PLD1: variants seen among roughly 807,000 people sequenced by gnomAD.
The protein encoded by PLD1 is choline phosphatase 1.
In PLD1, 112 loss-of-function variants were observed where a neutral mutation model predicts 137.1. That is an observed-to-expected ratio of 0.82 (90% CI 0.70 to 0.96). The LOEUF is 0.96. Ranked by LOEUF, PLD1 falls within the 40% of genes least tolerant of loss-of-function variation. The pLI is 0.00. For missense variants in PLD1, 1,321 were observed against 1,342.0 expected (o/e 0.98, Z 0.24); for synonymous variants, 431 against 454.7 (o/e 0.95, Z 0.66).
intron 1 of PLD1, among the ~76,000 whole-genome samples, chr3:171,748,932 G>A (rs1465138116): frequency 1.3e-5 from 2 of 151,008 alleles, no homozygotes; most frequent in African/African-American, 4.9e-5. Context: ...ATTCCTACCT[G>A]AATCATGTCC....
chr3:171,614,981 A>AT (rs1732982619), intron 24 of PLD1, among the ~76,000 whole-genome samples: 1 of 152,248 alleles, frequency 6.6e-6, no homozygotes, highest in African/African-American at 2.4e-5. Flanking sequence ...AATTACCCAG[A>AT]TAACTGACTC....
chr3:171,611,512 G>A (rs1732655998), intron 25 of PLD1: 2 of 494,692 alleles, frequency 4.0e-6, no homozygotes, highest in Admixed American at 2.1e-5. Flanking sequence ...ATTTAGGATC[G>A]CACAGCTGAA....
intron 21 of PLD1, among the ~76,000 whole-genome samples, chr3:171,654,761 G>A (rs993912774): frequency 6.6e-6 from 1 of 152,064 alleles, no homozygotes; most frequent in Admixed American, 6.5e-5. Flanking sequence ...CTTCAACTCT[G>A]AGACAGTTTT....
intron 8 of PLD1, among the ~76,000 whole-genome samples, chr3:171,720,293 C>CAAAAAA (rs752618596): frequency 7.4e-5 from 5 of 67,904 alleles, no homozygotes; most frequent in Middle Eastern, 9.1e-3. Context: ...GACCCTGTCT[C>CAAAAAA]AAAAAAAAAA....
chr3:171,683,925 A>G (rs547251911), intron 16 of PLD1, among the ~76,000 whole-genome samples: 12 of 152,330 alleles, frequency 7.9e-5, no homozygotes, highest in African/African-American at 2.6e-4. Flanking sequence ...CATAAAAGAG[A>G]TGAACCATTT....
rs935748100 is a variant in PLD1, at chr3:171,620,306, G to T, written c.2728+80C>A. On this transcript the variant is annotated intron_variant, in intron 24 of 26. Transcript: ENST00000351298. The stretch of plus-strand genomic sequence containing the variant: ...CTGTTTCAAATGCAAAGGATGCTTA[G>T]GAGGAATAGCAGCAAACATTTTTGC... 71 of 994,642 alleles carry T rather than the reference G, an allele frequency of 7.1e-5. No individual in the cohort carries two copies. In the Middle Eastern group the frequency reaches 3.4e-3, roughly 47 times the overall value. 61.6% of individuals were successfully genotyped at this position (994,642 alleles called of 1,614,324 possible).
chr3:171,674,595 G>T lies in PLD1; in HGVS notation c.2134C>A (p.Arg712=). 6.4e-7 allele frequency: 1 copy of T among 1,571,066 alleles called. No individual in the cohort carries two copies. The highest frequency in any genetic ancestry group is 8.7e-7 in the Non-Finnish European group (1 of 1,142,990). Residue 712 remains arginine (R), a synonymous_variant, in exon 19 of 27, where the codon CGG becomes AGG. Transcript: ENST00000351298. ...NFTKIMKSKY[R]SLSYPFLLPK... ...AGCAGAAAAGGATAAGAAAGGGACC[G>T]ATATTTTGATTTCATAATCTAAAAT...
At chr3:171,611,378 C>G (rs1732643900) in intron 25 of PLD1, 1 of 278,908 alleles carries the variant, frequency 3.6e-6, no homozygotes, top group African/African-American at 2.2e-5. Flanking sequence ...CAGTAGTGAG[C>G]AGAGAAGCAA....
chr3:171,659,168 A>C, intron 21 of PLD1, 45 bp downstream of exon 21: 1 of 1,245,840 alleles, frequency 8.0e-7, no homozygotes, highest in Non-Finnish European at 1.2e-6. Flanking sequence ...TTAGTAATAA[A>C]TACAAGAACA....
chr3:171,659,347 G>A, intron 20 of PLD1, 46 bp from the exon 21 acceptor site: 1 of 1,184,170 alleles, frequency 8.4e-7, no homozygotes, highest in South Asian at 1.2e-5. Flanking sequence ...TATTTTCTTA[G>A]CAATATACGT....
chr3:171,675,482 C>T (rs1289297952), intron 18 of PLD1, among the ~76,000 whole-genome samples: 2 of 152,156 alleles, frequency 1.3e-5, no homozygotes, highest in African/African-American at 2.4e-5. Flanking sequence ...AGATTGCATA[C>T]TTTAAAAAAG....
chr3:171,746,522 A>G (rs1193581477), intron 1 of PLD1, among the ~76,000 whole-genome samples: 6 of 152,214 alleles, frequency 3.9e-5, no homozygotes. Flanking sequence ...TACAACAATC[A>G]GCACTCTGTG....
At chr3:171,651,845 T>G (rs529724632) in intron 21 of PLD1, among the ~76,000 whole-genome samples, 1 of 152,308 alleles carries the variant, frequency 6.6e-6, no homozygotes, top group Non-Finnish European at 1.5e-5. Flanking sequence ...AGTCTCCTTC[T>G]TCCTTCCTCT....
chr3:171,787,673 A>T (rs1273347525), intron 1 of PLD1, among the ~76,000 whole-genome samples: 2 of 152,138 alleles, frequency 1.3e-5, no homozygotes, highest in African/African-American at 4.8e-5. Context: ...TGGTATGTGT[A>T]TGTGTGTTGG....
intron 11 of PLD1, among the ~76,000 whole-genome samples, chr3:171,703,063 A>G (rs1716379879): frequency 6.6e-6 from 1 of 152,178 alleles, no homozygotes; most frequent in South Asian, 2.1e-4. Flanking sequence ...GAAATCAATC[A>G]GTGCAATTCA....
At chr3:171,796,966 A>C (rs1166270705) in intron 1 of PLD1, among the ~76,000 whole-genome samples, 1 of 152,154 alleles carries the variant, frequency 6.6e-6, no homozygotes, top group Non-Finnish European at 1.5e-5. Flanking sequence ...GCCCTTCTTA[A>C]GCATAGCTCT....
At chr3:171,656,850 T>A (rs1347355965) in intron 21 of PLD1, among the ~76,000 whole-genome samples, 2 of 151,982 alleles carry the variant, frequency 1.3e-5, no homozygotes, top group African/African-American at 4.8e-5. Context: ...AAGTATGGAG[T>A]CCTCCATAGG....
chr3:171,806,708 T>G lies in PLD1; in HGVS notation c.-32+3691A>C, dbSNP rs552995093. Among the ~76,000 whole-genome samples, 23 of 152,320 alleles carry G rather than the reference T, an allele frequency of 1.5e-4. 1 individual carries two copies. In the South Asian group the frequency reaches 4.8e-3, roughly 32 times the overall value. On this transcript the variant is annotated intron_variant, in intron 1 of 26. Transcript: ENST00000351298. Reference sequence around the variant, plus strand: ...ACAGGAAATTGCTACACACTGCTTTTAGTTACTAAAAAGGCAACACTACCT... The same window carrying G: ...ACAGGAAATTGCTACACACTGCTTTGAGTTACTAAAAAGGCAACACTACCT...
At chr3:171,611,582 T>G in intron 25 of PLD1, 1 of 518,926 alleles carries the variant, frequency 1.9e-6, no homozygotes. Flanking sequence ...GTTTAAAATT[T>G]GCATCTTCTT....
Sources: allele counts gnomAD v4.1 joint callset (sites outside exome capture counted in the v4.1 genomes callset), GRCh38; gene constraint gnomAD v4.1.1; transcripts MANE v1.5; gene names NCBI Gene and HGNC (gene_info 2026-07-23, HGNC 2026-07-21).